Variants in MMP26 observed in about 807,000 individuals in gnomAD.
MMP26 encodes matrix metalloproteinase-26.
A neutral mutation model predicts 31.0 loss-of-function variants in MMP26; 33 were observed. That is an observed-to-expected ratio of 1.06 (90% CI 0.81 to 1.42). MMP26 has a LOEUF of 1.42. MMP26 is among the 40% of genes most tolerant of loss of function. The probability of loss-of-function intolerance (pLI) is 0.00; values close to 1 mark genes in which losing one functional copy is unlikely to be tolerated. For missense variants in MMP26, 347 were observed against 316.1 expected, an observed-to-expected ratio of 1.10 and a Z score of -0.74; for synonymous variants, 122 against 114.9, an observed-to-expected ratio of 1.06 and a Z score of -0.40.
At chr11:4,764,689 C>T (rs1335518085) in intron 1 of MMP26, among the ~76,000 whole-genome samples, 5 of 152,124 alleles carry the variant, frequency 3.3e-5, no homozygotes, top group Admixed American at 3.3e-4. Flanking sequence ...GCTACTAACA[C>T]GGTGAAACCC....
chr11:4,892,960 G>A (rs1399514938), intron 2 of MMP26, among the ~76,000 whole-genome samples: 1 of 151,950 alleles, frequency 6.6e-6, no homozygotes. Flanking sequence ...TTCTGCTAAC[G>A]TCAATCTTTT....
chr11:4,981,403 G>T (rs1457306837), intron 2 of MMP26, among the ~76,000 whole-genome samples: 1 of 152,066 alleles, frequency 6.6e-6, no homozygotes, highest in Non-Finnish European at 1.5e-5. Context: ...CATGCAGCAT[G>T]CTATTGTACT....
Position 4,954,855 on chromosome 11 carries a change from G to C in MMP26, c.-144-33213G>C, listed in dbSNP as rs2133613919. 1.8e-6 allele frequency: 2 copies of C among 1,106,070 alleles called. 1 individual carries two copies. Among genetic ancestry groups the C allele is most frequent in the East Asian group, 5.8e-5 (2 of 34,654 alleles). 68.5% of individuals were successfully genotyped at this position (1,106,070 alleles called of 1,614,324 possible). On this transcript the variant is annotated intron_variant, in intron 2 of 7. Coordinates refer to ENST00000380390, the MANE Select transcript of MMP26 (RefSeq NM_021801.5). ...ACACAATAAACAATTGGTTTCATCA[G>C]CGGAGGTACAAGTAGGAGAACATTT...
chr11:4,766,019 A>G (rs936814945), intron 1 of MMP26, among the ~76,000 whole-genome samples: 4 of 152,186 alleles, frequency 2.6e-5, no homozygotes, highest in African/African-American at 4.8e-5. Flanking sequence ...TAAAATTCGT[A>G]TTCCAAATAA....
chr11:4,844,450 A>G (rs1219538560), intron 2 of MMP26, among the ~76,000 whole-genome samples: 1 of 152,112 alleles, frequency 6.6e-6, no homozygotes, highest in Admixed American at 6.5e-5. Flanking sequence ...AAAACCAAAG[A>G]CTCATCAAAA....
Position 4,980,833 on chromosome 11 carries a change from A to G in MMP26, c.-144-7235A>G, listed in dbSNP as rs1156478895. The stretch of plus-strand genomic sequence containing the variant: ...TTTCCTAAGTGAAGGGTGAAGAAAT[A>G]TTATTTGTATCTGTTTTAATGAGAA... On this transcript the variant is annotated intron_variant, in intron 2 of 7. Coordinates refer to ENST00000380390, the MANE Select transcript of MMP26 (RefSeq NM_021801.5). 2.0e-5 allele frequency among the ~76,000 whole-genome samples: 3 copies of G among 152,052 alleles called. No homozygotes were observed. In the East Asian group the frequency reaches 5.8e-4, roughly 29 times the overall value.
intron 1 of MMP26, chr11:4,710,811 A>C (rs1847853288): frequency 5.0e-6 from 1 of 198,514 alleles, no homozygotes; most frequent in African/African-American, 2.3e-5. Context: ...TAGGAGTCTC[A>C]CCACCTCTAG....
At chr11:4,982,401 G>C (rs1316277883) in intron 2 of MMP26, among the ~76,000 whole-genome samples, 1 of 152,036 alleles carries the variant, frequency 6.6e-6, no homozygotes, top group Non-Finnish European at 1.5e-5. Flanking sequence ...ATGCTAATGT[G>C]GTCCATTATT....
At chr11:4,926,421 T>G (rs545554290) in intron 2 of MMP26, among the ~76,000 whole-genome samples, 1 of 152,158 alleles carries the variant, frequency 6.6e-6, no homozygotes, top group Non-Finnish European at 1.5e-5. Flanking sequence ...AATGGCAACA[T>G]ATTTTAATAA....
chr11:4,877,406 T>C, intron 2 of MMP26: 1 of 152,358 alleles, frequency 6.6e-6, no homozygotes, highest in Middle Eastern at 3.2e-3. Flanking sequence ...ATCTACCTGC[T>C]TCTCCCTCCT....
At position 4,709,231 on chromosome 11, in the gene MMP26, A is replaced by G. The variant is rs1589880088; in HGVS notation, c.-217+4186A>G. 2.0e-5 allele frequency among the ~76,000 whole-genome samples: 3 copies of G among 152,250 alleles called. No individual in the cohort carries two copies. The East Asian group carries it at 5.8e-4, about 29-fold the overall frequency. ...GGAAATATCCCATCTGCCCGTGTAC[A>G]TACAGTCATAGAAATGGGAAACATT... On this transcript the variant is annotated intron_variant, in intron 1 of 7. Coordinates refer to ENST00000380390, the MANE Select transcript of MMP26 (RefSeq NM_021801.5).
intron 1 of MMP26, among the ~76,000 whole-genome samples, chr11:4,745,924 C>T (rs957156756): frequency 3.2e-4 from 48 of 152,156 alleles, no homozygotes; most frequent in Non-Finnish European, 3.7e-4. Context: ...AATGTCTTTT[C>T]ATGGCTTGAT....
At chr11:4,942,089 C>CAAAAAAACAAAAAA (rs769948564) in intron 2 of MMP26, among the ~76,000 whole-genome samples, 1 of 37,122 alleles carries the variant, frequency 2.7e-5, no homozygotes, top group African/African-American at 1.1e-4. Flanking sequence ...GAGTCCATCT[C>CAAAAAAACAAAAAA]AAAAAAAAAA....
intron 2 of MMP26, among the ~76,000 whole-genome samples, chr11:4,828,513 A>T (rs772689334): frequency 2.0e-5 from 3 of 152,206 alleles, no homozygotes; most frequent in Non-Finnish European, 2.9e-5. Context: ...AGGTAACATA[A>T]GAATTGATGG....
At chr11:4,844,798 G>A (rs1216743545) in intron 2 of MMP26, among the ~76,000 whole-genome samples, 32 of 152,050 alleles carry the variant, frequency 2.1e-4, no homozygotes, top group Admixed American at 2.1e-3. Flanking sequence ...CCCACAACTA[G>A]TATCACACTG....
chr11:4,760,555 T>C (rs1271135471), intron 1 of MMP26, among the ~76,000 whole-genome samples: 1 of 152,210 alleles, frequency 6.6e-6, no homozygotes, highest in East Asian at 1.9e-4. Context: ...TTGAGCCAGT[T>C]TCCTTGCTAC....
At chr11:4,769,070 A>T in intron 2 of MMP26, 1 of 1,566,188 alleles carries the variant, frequency 6.4e-7, no homozygotes, top group Non-Finnish European at 8.7e-7. Context: ...GGGTAAAAGC[A>T]GGTATACATT....
chr11:4,846,328 C>G (rs998910391), intron 2 of MMP26, among the ~76,000 whole-genome samples: 2 of 152,066 alleles, frequency 1.3e-5, no homozygotes, highest in African/African-American at 4.8e-5. Context: ...CATGTTCTCA[C>G]TTATTTGTGG....
At chr11:4,861,670 TAA>T (rs1850161774) in intron 2 of MMP26, among the ~76,000 whole-genome samples, 1 of 152,080 alleles carries the variant, frequency 6.6e-6, no homozygotes, top group Non-Finnish European at 1.5e-5. Flanking sequence ...TAGAAGAAGA[TAA>T]AAGTTATTGG....
Sources: allele counts gnomAD v4.1 joint callset (sites outside exome capture counted in the v4.1 genomes callset), GRCh38; gene constraint gnomAD v4.1.1; transcripts MANE v1.5; gene names NCBI Gene and HGNC (gene_info 2026-07-23, HGNC 2026-07-21).